Variants in GRID2 observed in about 807,000 individuals in gnomAD.
GRID2 encodes glutamate ionotropic receptor delta type subunit 2.
In GRID2, 33 loss-of-function variants were observed where a neutral mutation model predicts 114.8. That is an observed-to-expected ratio of 0.29 (90% CI 0.22 to 0.38). The LOEUF (loss-of-function observed/expected upper bound fraction) is 0.38. Ranked by LOEUF, GRID2 falls within the 10% of genes least tolerant of loss-of-function variation. GRID2 has a pLI of 1.00. For synonymous variants in GRID2, 505 were observed against 449.9 expected, an observed-to-expected ratio of 1.12 and a Z score of -1.55; for missense variants, 1,184 against 1,257.7, an observed-to-expected ratio of 0.94 and a Z score of 0.89.
At chr4:93,116,343 T>G (rs1237168350) in intron 4 of GRID2, among the ~76,000 whole-genome samples, 1 of 152,202 alleles carries the variant, frequency 6.6e-6, no homozygotes, top group Non-Finnish European at 1.5e-5. Context: ...TTATTCATGC[T>G]TGACTAAAAG....
intron 1 of GRID2, among the ~76,000 whole-genome samples, chr4:92,513,662 C>T (rs1191411440): frequency 2.0e-5 from 3 of 151,798 alleles, no homozygotes; most frequent in Non-Finnish European, 2.9e-5. Context: ...CTCTGCTTCA[C>T]CTACAAAACT....
chr4:92,484,619 A>G (rs1008346169), intron 1 of GRID2, among the ~76,000 whole-genome samples: 1 of 152,012 alleles, frequency 6.6e-6, no homozygotes. Flanking sequence ...TACTTGTTGA[A>G]TAAAGAAGAA....
chr4:92,674,883 G>T (rs1733266972), intron 2 of GRID2, among the ~76,000 whole-genome samples: 1 of 151,982 alleles, frequency 6.6e-6, no homozygotes, highest in Admixed American at 6.6e-5. Flanking sequence ...CTGTTTTATT[G>T]ATTTTTTTCC....
At chr4:93,400,182 A>G (rs1255712339) in intron 9 of GRID2, among the ~76,000 whole-genome samples, 1 of 152,018 alleles carries the variant, frequency 6.6e-6, no homozygotes, top group Non-Finnish European at 1.5e-5. Flanking sequence ...GGTATAAATG[A>G]AATTTGATAT....
chr4:92,768,715 A>G (rs1007795660), intron 2 of GRID2, among the ~76,000 whole-genome samples: 10 of 152,206 alleles, frequency 6.6e-5, no homozygotes, highest in Admixed American at 5.2e-4. Flanking sequence ...GAATGGTGGC[A>G]GGCAAAGAGA....
chr4:93,388,823 G>A (rs1399931675), intron 8 of GRID2, among the ~76,000 whole-genome samples: 1 of 152,168 alleles, frequency 6.6e-6, no homozygotes, highest in Non-Finnish European at 1.5e-5. Context: ...GCAGAGCTGG[G>A]CAAAGGATTG....
chr4:92,499,966 G>C (rs1297367397), intron 1 of GRID2, among the ~76,000 whole-genome samples: 1 of 152,132 alleles, frequency 6.6e-6, no homozygotes, highest in Non-Finnish European at 1.5e-5. Flanking sequence ...ACAAATAATT[G>C]ATATTTTAAA....
chr4:93,741,245 C>T (rs1731394854), intron 14 of GRID2, among the ~76,000 whole-genome samples: 2 of 139,386 alleles, frequency 1.4e-5, no homozygotes, highest in Admixed American at 1.5e-4. Flanking sequence ...AAGGTTTTGA[C>T]TCAATGGACC....
chr4:93,779,076 C>G (rs1217335743), downstream of GRID2, among the ~76,000 whole-genome samples: 1 of 152,092 alleles, frequency 6.6e-6, no homozygotes, highest in Admixed American at 6.5e-5. Context: ...CTCACATGTA[C>G]AGCCTCCAAA....
chr4:92,910,240 A>G (rs1466707401), intron 2 of GRID2, among the ~76,000 whole-genome samples: 5 of 152,034 alleles, frequency 3.3e-5, no homozygotes, highest in Non-Finnish European at 7.4e-5. Flanking sequence ...AATGCTCAGG[A>G]CTTAATCAGA....
At chr4:93,584,441 T>G (rs1737331580) in intron 13 of GRID2, among the ~76,000 whole-genome samples, 1 of 152,132 alleles carries the variant, frequency 6.6e-6, no homozygotes, top group South Asian at 2.1e-4. Context: ...AAAAAAATTT[T>G]CTTCCTTTCT....
intron 1 of GRID2, among the ~76,000 whole-genome samples, chr4:92,401,384 T>G (rs1163735223): frequency 2.0e-5 from 3 of 152,172 alleles, no homozygotes; most frequent in African/African-American, 7.2e-5. Context: ...CCAAGCATAA[T>G]GTTAGGAGCT....
At chr4:92,825,586 A>G (rs1741640778) in intron 2 of GRID2, among the ~76,000 whole-genome samples, 2 of 152,160 alleles carry the variant, frequency 1.3e-5, no homozygotes, top group African/African-American at 4.8e-5. Flanking sequence ...ACACATAGCA[A>G]GGCTAAAACC....
At chr4:93,534,058 C>T (rs1371339014) in intron 13 of GRID2, among the ~76,000 whole-genome samples, 2 of 151,928 alleles carry the variant, frequency 1.3e-5, no homozygotes, top group African/African-American at 4.8e-5. Flanking sequence ...GTTTTCTGTT[C>T]TTCCTATCTT....
chr4:93,290,634 T>C lies in GRID2; in HGVS notation c.1245+52144T>C, dbSNP rs1422542586. Among the ~76,000 whole-genome samples the C allele has an allele frequency of 2.0e-5, 3 of 152,120 alleles. No homozygotes were observed. The East Asian group carries it at 5.8e-4, about 29-fold the overall frequency. On this transcript the variant is annotated intron_variant, in intron 8 of 15. Transcript: ENST00000282020. Reference sequence around the variant, plus strand: ...TACACAAAAAGTTACATAAATGAGATTAAATATTATGTGTTTTTATCTGGT... The same window carrying C: ...TACACAAAAAGTTACATAAATGAGACTAAATATTATGTGTTTTTATCTGGT...
chr4:93,200,226 T>C (rs1741927954), intron 4 of GRID2, among the ~76,000 whole-genome samples: 1 of 152,266 alleles, frequency 6.6e-6, no homozygotes, highest in East Asian at 1.9e-4. Context: ...TAAATAGGGA[T>C]AAAAATAATT....
At chr4:93,538,516 A>G (rs1193363906) in intron 13 of GRID2, among the ~76,000 whole-genome samples, 1 of 151,806 alleles carries the variant, frequency 6.6e-6, no homozygotes, top group Non-Finnish European at 1.5e-5. Context: ...TTTAATGTGG[A>G]CTGGACTTAG....
At chr4:92,797,422 G>A (rs944360637) in intron 2 of GRID2, among the ~76,000 whole-genome samples, 2 of 151,916 alleles carry the variant, frequency 1.3e-5, no homozygotes, top group African/African-American at 4.8e-5. Context: ...GCAGTATAGT[G>A]AAGATTATAC....
chr4:92,443,735 C>G (rs1366035299), intron 1 of GRID2, among the ~76,000 whole-genome samples: 5 of 151,990 alleles, frequency 3.3e-5, no homozygotes, highest in South Asian at 4.2e-4. Flanking sequence ...GGTACTTGCC[C>G]CTTCCCCAGA....
Sources: gnomAD v4.1 joint callset for allele counts (sites outside exome capture counted in the v4.1 genomes callset) on GRCh38, gnomAD v4.1.1 for gene constraint, MANE v1.5 for transcripts, NCBI Gene and HGNC (gene_info 2026-07-23, HGNC 2026-07-21) for gene names.